The following ZNF131 variants were observed in gnomAD, a reference collection of about 807,000 sequenced individuals.
The protein encoded by ZNF131 is zinc finger protein 131.
In ZNF131, 7 loss-of-function variants were observed where a neutral mutation model predicts 60.0. The observed-to-expected ratio is 0.12, with a 90% confidence interval of 0.07 to 0.22. The LOEUF (loss-of-function observed/expected upper bound fraction) is 0.22, where lower values mean the gene tolerates loss of function less well. ZNF131 is among the 10% of genes least tolerant of loss of function. The pLI is 1.00. For missense variants in ZNF131, 493 were observed against 740.9 expected (o/e 0.67, Z 3.88); for synonymous variants, 257 against 253.2 (o/e 1.01, Z -0.14).
chr5:43,141,408 ATGTTCTC>A (rs1746805280), intron 4 of ZNF131, among the ~76,000 whole-genome samples: 1 of 152,156 alleles, frequency 6.6e-6, no homozygotes, highest in African/African-American at 2.4e-5. Context: ...TTCCAAAAGA[ATGTTCTC>A]TGTGGCCCTT....
chr5:43,150,522 G>A (rs1748168107), intron 4 of ZNF131, among the ~76,000 whole-genome samples: 1 of 151,742 alleles, frequency 6.6e-6, no homozygotes, highest in South Asian at 2.1e-4. Context: ...GGGTGCGGTG[G>A]CTCATGCCTG....
In ZNF131 at chr5:43,139,322, T is replaced by G; in HGVS notation, c.371+13T>G. The G allele has an allele frequency of 6.3e-7, 1 of 1,597,450 alleles. No homozygotes were observed. The highest frequency in any genetic ancestry group is 8.5e-7 in the Non-Finnish European group (1 of 1,173,400). On this transcript the variant is annotated intron_variant, in intron 4 of 6. Transcript: ENST00000682664. ...CCCTTGAAGTCAGGTACTTAATTTC[T>G]TTAATGGGGTTCAGATAGTCATATT... is the stretch of plus-strand genomic sequence containing the variant.
At chr5:43,141,520 C>T (rs1386538999) in intron 4 of ZNF131, among the ~76,000 whole-genome samples, 1 of 152,092 alleles carries the variant, frequency 6.6e-6, no homozygotes, top group Non-Finnish European at 1.5e-5. Context: ...GTAATCCCAG[C>T]ACTTTGGGAG....
intron 3 of ZNF131, among the ~76,000 whole-genome samples, chr5:43,138,139 A>G (rs1309535819): frequency 6.6e-6 from 1 of 152,200 alleles, no homozygotes; most frequent in Admixed American, 6.5e-5. Context: ...TCAATTGCGC[A>G]AGATGAATAA....
At position 43,147,733 on chromosome 5, in the gene ZNF131, TA is replaced by T. The variant is rs1206761067; in HGVS notation, c.371+8438del. ...ACCGCGCCCGGCCAGTTTGGAAGTT[TA>T]AAAAAAAAAAAAACAGTTTGGAAGT... is the stretch of plus-strand genomic sequence containing the variant. On this transcript the variant is annotated intron_variant, in intron 4 of 6. Transcript: ENST00000682664. Among the ~76,000 whole-genome samples the T allele has an allele frequency of 2.5e-3, 344 of 135,158 alleles. 1 individual carries two copies. Among genetic ancestry groups the T allele is most frequent in the South Asian group, 0.011 (45 of 4,072 alleles). 88.7% of individuals were successfully genotyped at this position (135,158 alleles called of 152,430 possible).
chr5:43,175,339 G>A lies in ZNF131; in HGVS notation c.*206G>A. 2 of 680,360 alleles carry A rather than the reference G, an allele frequency of 2.9e-6. No homozygotes were observed. The highest frequency in any genetic ancestry group is 3.3e-5 in the South Asian group (2 of 60,516). 42.1% of individuals were successfully genotyped at this position (680,360 alleles called of 1,614,324 possible). On this transcript the variant is annotated 3_prime_UTR_variant, in exon 7 of 7. Coordinates refer to ENST00000682664, the MANE Select transcript of ZNF131 (RefSeq NM_001330707.2). ...GGAGGGATCTTTTCCATAACTGAAG[G>A]GGAGTTTTGAGAAGTATATTTCTGG...
intron 3 of ZNF131, among the ~76,000 whole-genome samples, chr5:43,128,190 G>A (rs1003023612): frequency 7.2e-5 from 11 of 152,216 alleles, no homozygotes; most frequent in African/African-American, 2.7e-4. Flanking sequence ...TATGAAGGGA[G>A]TAAGGGATTG....
Position 43,173,359 on chromosome 5 carries a change from G to A in ZNF131, c.1096G>A (p.Ala366Thr), listed in dbSNP as rs777136428. Residue 366 changes from alanine to threonine, a missense_variant, in exon 6 of 7, where the codon GCT becomes ACT. Ala to Thr is a moderately conservative substitution (Grantham distance 58, BLOSUM62 0). Transcript: ENST00000682664. Reference protein sequence around the residue: ...FECPNCHERFARNSTLKCHLT... With the variant: ...FECPNCHERFTRNSTLKCHLT... Reference sequence around the variant, plus strand: ...ATGTCCAAATTGTCATGAACGATTTGCTAGAAATAGCACTCTGAAATGTCA... The same window carrying A: ...ATGTCCAAATTGTCATGAACGATTTACTAGAAATAGCACTCTGAAATGTCA... 2 of 1,612,390 alleles carry A rather than the reference G, an allele frequency of 1.2e-6. No homozygotes were observed. The highest frequency in any genetic ancestry group is 1.3e-5 in the African/African-American group (1 of 75,024).
chr5:43,146,241 A>C (rs1180653954), intron 4 of ZNF131, among the ~76,000 whole-genome samples: 1 of 152,216 alleles, frequency 6.6e-6, no homozygotes, highest in African/African-American at 2.4e-5. Flanking sequence ...AACGACACCG[A>C]AAAGAAATTA....
chr5:43,126,303 G>A (rs1357812100), intron 3 of ZNF131, among the ~76,000 whole-genome samples: 3 of 152,220 alleles, frequency 2.0e-5, no homozygotes, highest in Non-Finnish European at 4.4e-5. Context: ...TTAGCGGGCA[G>A]TTAACCTGGT....
intron 3 of ZNF131, among the ~76,000 whole-genome samples, chr5:43,131,024 C>G (rs1056344253): frequency 5.9e-5 from 9 of 151,952 alleles, no homozygotes; most frequent in Non-Finnish European, 7.4e-5. Flanking sequence ...CTAACCACAC[C>G]TGGCCAATTT....
chr5:43,138,612 G>A (rs971003341), intron 3 of ZNF131, among the ~76,000 whole-genome samples: 12 of 152,134 alleles, frequency 7.9e-5, no homozygotes, highest in African/African-American at 2.7e-4. Flanking sequence ...TCACTGTATT[G>A]CACTCCAGCC....
At chr5:43,144,024 G>T (rs867929047) in intron 4 of ZNF131, among the ~76,000 whole-genome samples, 177 of 139,880 alleles carry the variant, frequency 1.3e-3, no homozygotes, top group African/African-American at 4.4e-3. Flanking sequence ...CCAGGTTCAC[G>T]CTATTCTCCT....
At chr5:43,151,647 C>T (rs782994) in intron 4 of ZNF131, among the ~76,000 whole-genome samples, 43,894 of 151,876 alleles carry the variant, frequency 0.29, 6,895 homozygotes, top group East Asian at 0.63. Flanking sequence ...GTTGGCCAGA[C>T]GGGTCTCCAA....
chr5:43,165,321 A>G (rs1227328478), intron 5 of ZNF131, among the ~76,000 whole-genome samples: 1 of 85,872 alleles, frequency 1.2e-5, no homozygotes, highest in Non-Finnish European at 2.7e-5. Flanking sequence ...TGGCTTGCAG[A>G]TGGCTAACCT....
chr5:43,134,206 C>T (rs1745723865), intron 3 of ZNF131, among the ~76,000 whole-genome samples: 1 of 152,124 alleles, frequency 6.6e-6, no homozygotes, highest in Non-Finnish European at 1.5e-5. Context: ...CCTTAGGATG[C>T]AAGGATAGTT....
intron 3 of ZNF131, among the ~76,000 whole-genome samples, chr5:43,134,365 G>A (rs35199583): frequency 0.097 from 14,768 of 152,096 alleles, 853 homozygotes; most frequent in East Asian, 0.19. Context: ...GGAATAGAAG[G>A]AAATTATCTC....
chr5:43,139,421 AT>A, intron 4 of ZNF131, 112 bp downstream of exon 4: 1 of 1,150,320 alleles, frequency 8.7e-7, no homozygotes, highest in Non-Finnish European at 1.1e-6. Flanking sequence ...CTTCAGAAGA[AT>A]TAAGAATATT....
intron 3 of ZNF131, among the ~76,000 whole-genome samples, chr5:43,129,124 T>G (rs376480554): frequency 8.7e-5 from 13 of 149,428 alleles, no homozygotes; most frequent in East Asian, 8.4e-4. Context: ...TTAGTAGAGA[T>G]AGGGTTTCAC....
Sources: gnomAD v4.1 joint callset for allele counts (sites outside exome capture counted in the v4.1 genomes callset) on GRCh38, gnomAD v4.1.1 for gene constraint, MANE v1.5 for transcripts, NCBI Gene and HGNC (gene_info 2026-07-23, HGNC 2026-07-21) for gene names.